RBMS3: variants seen among roughly 807,000 people sequenced by gnomAD.
RBMS3 encodes the protein RNA-binding motif, single-stranded-interacting protein 3.
Under a neutral mutation model 66.8 loss-of-function variants are expected in RBMS3, and 27 were observed. The observed-to-expected ratio is 0.40, with a 90% CI of 0.30 to 0.56. The LOEUF is 0.56. RBMS3 is among the 20% of genes least tolerant of loss of function. RBMS3 has a pLI of 0.40. For synonymous variants in RBMS3, 188 were observed against 183.0 expected, an observed-to-expected ratio of 1.03 and a Z score of -0.22; for missense variants, 513 against 549.5, an observed-to-expected ratio of 0.93 and a Z score of 0.66.
chr3:29,854,827 T>G (rs1243521806), intron 6 of RBMS3, among the ~76,000 whole-genome samples: 2 of 152,064 alleles, frequency 1.3e-5, no homozygotes. Flanking sequence ...AAAAGAAAGC[T>G]CTCCTTCTTA....
intron 3 of RBMS3, among the ~76,000 whole-genome samples, chr3:29,548,770 CT>C (rs2046070581): frequency 6.6e-6 from 1 of 151,954 alleles, no homozygotes; most frequent in Admixed American, 6.6e-5. Context: ...TCTGCAACCA[CT>C]TCCCAGAAAA....
intron 3 of RBMS3, among the ~76,000 whole-genome samples, chr3:29,563,867 A>G (rs1453933497): frequency 6.6e-6 from 1 of 152,006 alleles, no homozygotes; most frequent in Non-Finnish European, 1.5e-5. Flanking sequence ...TCTACAAAAA[A>G]TTAGCCAGGT....
intron 2 of RBMS3, among the ~76,000 whole-genome samples, chr3:29,436,246 T>C (rs965691994): frequency 2.0e-5 from 3 of 152,162 alleles, no homozygotes; most frequent in Non-Finnish European, 4.4e-5. Flanking sequence ...TCCTAGATTT[T>C]AAGATTGGGA....
In RBMS3 at chr3:29,506,824, T is replaced by C. The variant is rs545374490; in HGVS notation, c.307+18325T>C. On this transcript the variant is annotated intron_variant, in intron 3 of 14. Transcript: ENST00000383767. ...TTTTTATGTTTTAGTTTTATGTGTCTAAGAATGTATCCATTTTTTCTAAGT... is the reference window on the plus strand; with the variant it reads ...TTTTTATGTTTTAGTTTTATGTGTCCAAGAATGTATCCATTTTTTCTAAGT... 1.7e-3 allele frequency among the ~76,000 whole-genome samples: 256 copies of C among 152,058 alleles called. 4 individuals are homozygous for C. Among genetic ancestry groups the C allele is most frequent in the Non-Finnish European group, 1.3e-4 (9 of 67,876 alleles).
At chr3:29,514,621 T>G (rs2148961127) in intron 3 of RBMS3, among the ~76,000 whole-genome samples, 1 of 137,672 alleles carries the variant, frequency 7.3e-6, no homozygotes, top group African/African-American at 2.7e-5. Context: ...GGAGGAGAGA[T>G]AGGTGCATAT....
chr3:29,880,863 C>T (rs760166394), intron 7 of RBMS3: 13 of 1,506,424 alleles, frequency 8.6e-6, no homozygotes, highest in Non-Finnish European at 9.8e-6. Context: ...CAATGAAAAT[C>T]TCACCTTAGA....
At chr3:29,586,253 G>A (rs1469639405) in intron 3 of RBMS3, among the ~76,000 whole-genome samples, 1 of 152,020 alleles carries the variant, frequency 6.6e-6, no homozygotes, top group Non-Finnish European at 1.5e-5. Flanking sequence ...ATTACTGTTA[G>A]GCTAAGCCTT....
intron 14 of RBMS3, among the ~76,000 whole-genome samples, chr3:30,003,346 A>G (rs1010662488): frequency 2.6e-5 from 4 of 152,014 alleles, no homozygotes; most frequent in African/African-American, 7.2e-5. Flanking sequence ...GCTCTCACAA[A>G]TTTATAATCT....
intron 2 of RBMS3, among the ~76,000 whole-genome samples, chr3:29,466,996 C>T (rs1194278547): frequency 6.6e-6 from 1 of 152,180 alleles, no homozygotes; most frequent in Non-Finnish European, 1.5e-5. Flanking sequence ...CCTGTTTCTG[C>T]TAGATTACTC....
At chr3:29,436,399 G>A (rs909967597) in intron 2 of RBMS3, among the ~76,000 whole-genome samples, 13 of 152,054 alleles carry the variant, frequency 8.5e-5, no homozygotes, top group Non-Finnish European at 1.5e-4. Context: ...AAGGCAAGGC[G>A]GAACCTTGAA....
intron 2 of RBMS3, among the ~76,000 whole-genome samples, chr3:29,441,666 C>A (rs2041625133): frequency 6.6e-6 from 1 of 152,138 alleles, no homozygotes; most frequent in Non-Finnish European, 1.5e-5. Context: ...TCGTGAGAAT[C>A]CCTTAGGGAC....
chr3:29,283,756 T>C (rs2032025111), intron 1 of RBMS3, among the ~76,000 whole-genome samples: 1 of 152,188 alleles, frequency 6.6e-6, no homozygotes, highest in Admixed American at 6.5e-5. Context: ...TCATGGTAGT[T>C]CACATTGATT....
intron 4 of RBMS3, among the ~76,000 whole-genome samples, chr3:29,733,086 CT>C (rs1056626765): frequency 3.3e-5 from 5 of 152,174 alleles, no homozygotes; most frequent in Admixed American, 2.6e-4. Flanking sequence ...AAAAACTCTG[CT>C]CCATGTAAGG....
At position 29,359,435 on chromosome 3, in the gene RBMS3, G is replaced by T. The variant is rs566332561; in HGVS notation, c.76-75308G>T. On this transcript the variant is annotated intron_variant, in intron 1 of 14. Transcript: ENST00000383767. ...GTGGATAAGTTTTTGATGTGTTGCT[G>T]GATTCGGTTTGCCAGTATTTTATTG... 9.9e-5 allele frequency among the ~76,000 whole-genome samples: 15 copies of T among 152,256 alleles called. No homozygotes were observed. The South Asian group carries it at 2.7e-3, about 27-fold the overall frequency.
intron 6 of RBMS3, among the ~76,000 whole-genome samples, chr3:29,771,649 A>C (rs1192982163): frequency 6.6e-6 from 1 of 152,054 alleles, no homozygotes; most frequent in Non-Finnish European, 1.5e-5. Context: ...ATTGATATAA[A>C]GAACTACCTG....
intron 12 of RBMS3, among the ~76,000 whole-genome samples, chr3:29,966,726 A>G (rs141573013): frequency 6.6e-6 from 1 of 152,252 alleles, no homozygotes; most frequent in African/African-American, 2.4e-5. Context: ...TTCCAGTACT[A>G]TGTTAAAGAG....
At chr3:29,531,506 G>A (rs184481050) in intron 3 of RBMS3, among the ~76,000 whole-genome samples, 1 of 152,242 alleles carries the variant, frequency 6.6e-6, no homozygotes, top group Non-Finnish European at 1.5e-5. Flanking sequence ...CATTTATGAG[G>A]AAACACAAAT....
At chr3:29,618,039 G>A (rs910721704) in intron 4 of RBMS3, among the ~76,000 whole-genome samples, 6 of 152,130 alleles carry the variant, frequency 3.9e-5, no homozygotes, top group Admixed American at 2.0e-4. Context: ...GTATGATGCT[G>A]TAAAACCACC....
At chr3:29,561,176 C>T (rs146864693) in intron 3 of RBMS3, among the ~76,000 whole-genome samples, 2,291 of 152,138 alleles carry the variant, frequency 0.015, 62 homozygotes, top group African/African-American at 0.053. Flanking sequence ...TCTTTGCTAT[C>T]GTGAATAGTG....
Sources: gnomAD v4.1 joint callset for allele counts (sites outside exome capture counted in the v4.1 genomes callset) on GRCh38, gnomAD v4.1.1 for gene constraint, MANE v1.5 for transcripts, NCBI Gene and HGNC (gene_info 2026-07-23, HGNC 2026-07-21) for gene names.